PTK2: variants seen among roughly 807,000 people sequenced by gnomAD.
The protein encoded by PTK2 is focal adhesion kinase 1.
Under a neutral mutation model 150.1 loss-of-function variants are expected in PTK2, and 45 were observed. The ratio of observed to expected loss-of-function variants is 0.30; its 90% confidence interval spans 0.24 to 0.38. PTK2 has a LOEUF of 0.38. Ranked by LOEUF, PTK2 falls within the 10% of genes least tolerant of loss-of-function variation. PTK2 has a pLI of 1.00. For missense variants in PTK2, 919 were observed against 1,307.3 expected (o/e 0.70, Z 4.58); for synonymous variants, 432 against 449.2 (o/e 0.96, Z 0.48).
chr8:140,874,062 T>C (rs1190409792), intron 4 of PTK2, among the ~76,000 whole-genome samples: 1 of 152,190 alleles, frequency 6.6e-6, no homozygotes, highest in Non-Finnish European at 1.5e-5. Context: ...TCTCATAGAT[T>C]TGTGTATTGA....
At chr8:140,966,314 C>T (rs2100185277) in intron 1 of PTK2, among the ~76,000 whole-genome samples, 1 of 152,168 alleles carries the variant, frequency 6.6e-6, no homozygotes, top group South Asian at 2.1e-4. Flanking sequence ...CATTGAGTAC[C>T]TCAGCCACAT....
At chr8:140,771,735 A>ACTTCAGT (rs1410047383) in intron 14 of PTK2, among the ~76,000 whole-genome samples, 1 of 151,942 alleles carries the variant, frequency 6.6e-6, no homozygotes, top group Non-Finnish European at 1.5e-5. Flanking sequence ...AGAAATGTAC[A>ACTTCAGT]CTTCAGTAAT....
At chr8:140,845,614 G>C (rs545568834) in intron 7 of PTK2, among the ~76,000 whole-genome samples, 1 of 152,170 alleles carries the variant, frequency 6.6e-6, no homozygotes, top group Non-Finnish European at 1.5e-5. Flanking sequence ...TTGCTTACTT[G>C]TCTGAGAGTC....
intron 2 of PTK2, among the ~76,000 whole-genome samples, chr8:140,907,141 T>G (rs1403628890): frequency 1.3e-5 from 2 of 152,058 alleles, no homozygotes; most frequent in Admixed American, 6.5e-5. Context: ...AGCGAAAAAA[T>G]TTATATTAGA....
intron 10 of PTK2, among the ~76,000 whole-genome samples, chr8:140,807,790 TA>T (rs1191069682): frequency 6.6e-6 from 1 of 152,258 alleles, no homozygotes; most frequent in Non-Finnish European, 1.5e-5. Flanking sequence ...TTTATCTTTT[TA>T]AATGTGGTTA....
chr8:140,683,085 A>G (rs1476132812), intron 27 of PTK2, among the ~76,000 whole-genome samples: 1 of 152,160 alleles, frequency 6.6e-6, no homozygotes, highest in Non-Finnish European at 1.5e-5. Context: ...GAAAGAATAC[A>G]TAAGAATGAC....
At chr8:140,980,773 CAG>C (rs1405171768) in intron 1 of PTK2, among the ~76,000 whole-genome samples, 3 of 135,270 alleles carry the variant, frequency 2.2e-5, no homozygotes, top group African/African-American at 2.8e-5. Flanking sequence ...TTTTTTGAGA[CAG>C]AGTCTCACAC....
intron 26 of PTK2, among the ~76,000 whole-genome samples, chr8:140,699,082 A>C (rs1313479468): frequency 2.0e-5 from 3 of 151,794 alleles, no homozygotes; most frequent in Non-Finnish European, 4.4e-5. Flanking sequence ...CAAAAATAAC[A>C]ATTTTTTTTT....
chr8:140,823,009 G>T (rs571487049), intron 8 of PTK2, among the ~76,000 whole-genome samples: 1 of 152,154 alleles, frequency 6.6e-6, no homozygotes, highest in Non-Finnish European at 1.5e-5. Context: ...TGCTCTGAGT[G>T]TAAGAAATGT....
chr8:140,828,746 A>C (rs1473972639), intron 8 of PTK2, among the ~76,000 whole-genome samples: 4 of 152,086 alleles, frequency 2.6e-5, no homozygotes, highest in African/African-American at 7.2e-5. Flanking sequence ...CATCCCTTCC[A>C]CTTAAGGGTC....
At chr8:140,786,162 C>T (rs1386417174) in intron 14 of PTK2, among the ~76,000 whole-genome samples, 1 of 152,164 alleles carries the variant, frequency 6.6e-6, no homozygotes. Context: ...ACTGAGGTCT[C>T]TTCAATCCCG....
chr8:140,699,209 A>C (rs1180660643), intron 26 of PTK2, among the ~76,000 whole-genome samples: 1 of 152,190 alleles, frequency 6.6e-6, no homozygotes, highest in African/African-American at 2.4e-5. Context: ...TGAATGTTTA[A>C]TGATACAAAG....
At chr8:140,944,106 T>A (rs142280275) in intron 1 of PTK2, among the ~76,000 whole-genome samples, 1 of 152,286 alleles carries the variant, frequency 6.6e-6, no homozygotes, top group Non-Finnish European at 1.5e-5. Context: ...AAAACACTCA[T>A]CCCCGTCTCT....
At chr8:140,664,849 A>C (rs759980913) in intron 31 of PTK2, 68 bp downstream of exon 35, 34 of 1,487,460 alleles carry the variant, frequency 2.3e-5, no homozygotes, top group Non-Finnish European at 3.1e-5. Flanking sequence ...TCAGCACCAC[A>C]GGCATCCCTG....
At chr8:140,927,148 T>G (rs1000588098) in intron 1 of PTK2, among the ~76,000 whole-genome samples, 22 of 151,948 alleles carry the variant, frequency 1.4e-4, no homozygotes, top group South Asian at 4.2e-4. Context: ...TAAAACAGAG[T>G]TTTTTTTATT....
rs1252892108 is a variant in PTK2 at position 140,879,156 on chromosome 8, CACAT to C, written c.362+311_362+314del. On this transcript the variant is annotated intron_variant, in intron 4 of 31. Transcript: ENST00000522684. ...CATTATATATATATACATACACACA[CACAT>C]ATATATATGATTTGAGTTTTATTGG... The C allele has an allele frequency of 1.5e-5, 3 of 196,812 alleles. No homozygotes were observed. The Admixed American group carries it at 1.7e-4, about 11-fold the overall frequency. The allele number at this position is 196,812 out of a possible 1,614,324, so 12.2% of individuals were successfully genotyped here.
At chr8:140,968,814 A>G (rs1167995799) in intron 1 of PTK2, among the ~76,000 whole-genome samples, 3 of 152,186 alleles carry the variant, frequency 2.0e-5, no homozygotes, top group African/African-American at 4.8e-5. Flanking sequence ...CACCAAAAGA[A>G]ACTATGGGAA....
chr8:140,834,709 C>G (rs2100117654), intron 7 of PTK2, among the ~76,000 whole-genome samples: 1 of 152,144 alleles, frequency 6.6e-6, no homozygotes, highest in Non-Finnish European at 1.5e-5. Context: ...GTGAAAGGTA[C>G]TATAAGATAA....
Position 140,779,002 on chromosome 8 carries a change from T to G in PTK2, c.1177+10472A>C, listed in dbSNP as rs139195375. On this transcript the variant is annotated intron_variant, in intron 14 of 31. Coordinates refer to ENST00000522684, the Ensembl canonical transcript of PTK2. ...GGGGCTGGGCACAGTGGGTCACACC[T>G]GTAATCCCAGCACTTTGGGAGGCCA... Among the ~76,000 whole-genome samples the G allele has an allele frequency of 7.5e-3, 1,143 of 152,210 alleles. 6 individuals are homozygous for G. The highest frequency in any genetic ancestry group is 0.012 in the Non-Finnish European group (808 of 67,992).
Sources: gnomAD v4.1 joint callset for allele counts (sites outside exome capture counted in the v4.1 genomes callset) on GRCh38, gnomAD v4.1.1 for gene constraint, MANE v1.5 for transcripts, NCBI Gene and HGNC (gene_info 2026-07-23, HGNC 2026-07-21) for gene names.